The following DPP6 variants were observed in gnomAD, a reference collection of about 807,000 sequenced individuals.
DPP6 encodes the protein A-type potassium channel modulatory protein DPP6.
DPP6 carries 69 observed loss-of-function variants against 122.6 expected under a neutral mutation model. That is an observed-to-expected ratio of 0.56 (90% CI 0.46 to 0.69). The LOEUF (loss-of-function observed/expected upper bound fraction) is 0.69. Among genes scored for constraint, DPP6 ranks in the 30% least tolerant of loss-of-function variants. The pLI is 0.00. For synonymous variants in DPP6, 418 were observed against 433.1 expected (o/e 0.97, Z 0.43); for missense variants, 928 against 1,116.9 (o/e 0.83, Z 2.41).
chr7:154,730,613 G>A (rs1247049341), intron 8 of DPP6, among the ~76,000 whole-genome samples: 3 of 152,148 alleles, frequency 2.0e-5, no homozygotes, highest in Admixed American at 6.5e-5. Flanking sequence ...AGAAAAAAAT[G>A]GCATAGATAT....
chr7:154,189,599 G>A (rs998339399), intron 1 of DPP6, among the ~76,000 whole-genome samples: 2 of 151,946 alleles, frequency 1.3e-5, no homozygotes, highest in South Asian at 2.1e-4. Flanking sequence ...TGGTACATTT[G>A]GAAAAAGAAA....
chr7:154,643,247 T>TA (rs1332509116), intron 6 of DPP6, among the ~76,000 whole-genome samples: 1 of 151,952 alleles, frequency 6.6e-6, no homozygotes, highest in Non-Finnish European at 1.5e-5. Context: ...TAATTTTTTT[T>TA]ATATCATCTC....
chr7:154,369,937 A>G (rs1368217741), intron 1 of DPP6, among the ~76,000 whole-genome samples: 3 of 152,134 alleles, frequency 2.0e-5, no homozygotes, highest in Non-Finnish European at 4.4e-5. Context: ...AAATAAACAC[A>G]TCATATTCAT....
chr7:153,886,671 C>T (rs1480577610), upstream of DPP6, among the ~76,000 whole-genome samples: 1 of 152,182 alleles, frequency 6.6e-6, no homozygotes, highest in South Asian at 2.1e-4. Flanking sequence ...CTGGAATTGC[C>T]GCGGCGGCGG....
rs138325383 is a variant in DPP6, at chr7:154,312,383, C to T, written c.244-133831C>T. 3.9e-4 allele frequency among the ~76,000 whole-genome samples: 60 copies of T among 152,316 alleles called. No individual in the cohort carries two copies. The East Asian group carries it at 0.011, about 28-fold the overall frequency. ...GCCCTCCACCAATGGCTTTACAAAG[C>T]ACGTTGCTGATATAATGAAGTCTTG... On this transcript the variant is annotated intron_variant, in intron 1 of 25. Transcript: ENST00000377770.
chr7:154,448,558 A>G (rs576243444), intron 2 of DPP6, among the ~76,000 whole-genome samples: 2 of 152,334 alleles, frequency 1.3e-5, no homozygotes, highest in African/African-American at 4.8e-5. Flanking sequence ...TTTCTTTCTT[A>G]AAGAAACTAC....
At chr7:153,925,971 G>T (rs1165965847) in intron 1 of DPP6, among the ~76,000 whole-genome samples, 1 of 152,102 alleles carries the variant, frequency 6.6e-6, no homozygotes, top group African/African-American at 2.4e-5. Flanking sequence ...GATTCCTGCC[G>T]ACCACAGCAG....
intron 1 of DPP6, among the ~76,000 whole-genome samples, chr7:154,179,830 G>A (rs1416101783): frequency 6.6e-6 from 1 of 152,056 alleles, no homozygotes; most frequent in Non-Finnish European, 1.5e-5. Flanking sequence ...TTCCACCATT[G>A]TAGTAAGCCC....
Position 154,407,680 on chromosome 7 carries a change from A to G in DPP6, c.244-38534A>G, listed in dbSNP as rs187578866. Among the ~76,000 whole-genome samples, 196 of 152,360 alleles carry G rather than the reference A, an allele frequency of 1.3e-3. 2 individuals carry two copies. Among genetic ancestry groups the G allele is most frequent in the Non-Finnish European group, 6.9e-4 (47 of 68,036 alleles). On this transcript the variant is annotated intron_variant, in intron 1 of 25. Coordinates refer to ENST00000377770, the MANE Select transcript of DPP6 (RefSeq NM_130797.4). ...AAAACTTATGGCTTTCTTTAAAATA[A>G]AAGAAGACTTAGACCCTAAGTCTGC...
chr7:154,429,926 G>A lies in DPP6; in HGVS notation c.244-16288G>A, dbSNP rs145667826. 8.7e-3 allele frequency among the ~76,000 whole-genome samples: 1,321 copies of A among 152,292 alleles called. 10 individuals carry two copies. Among genetic ancestry groups the A allele is most frequent in the South Asian group, 0.029 (138 of 4,826 alleles). On this transcript the variant is annotated intron_variant, in intron 1 of 25. Transcript: ENST00000377770. ...ATTATGGTCACCACCAGCACAGAGCGTTCCTGGCCTGGTGCTGTCTGGTTT... is the reference window on the plus strand; with the variant it reads ...ATTATGGTCACCACCAGCACAGAGCATTCCTGGCCTGGTGCTGTCTGGTTT...
At chr7:154,883,107 TCA>T (rs1452708291) in intron 21 of DPP6, among the ~76,000 whole-genome samples, 2 of 136,936 alleles carry the variant, frequency 1.5e-5, no homozygotes, top group African/African-American at 2.8e-5. Context: ...ACACATGCTC[TCA>T]CATACATGTG....
intron 1 of DPP6, among the ~76,000 whole-genome samples, chr7:153,915,494 T>A (rs1389924505): frequency 1.3e-5 from 2 of 152,204 alleles, no homozygotes; most frequent in African/African-American, 4.8e-5. Flanking sequence ...AGCAAGATCA[T>A]CTTTTTAAGA....
chr7:154,662,534 G>A (rs1837797632), intron 6 of DPP6, among the ~76,000 whole-genome samples: 1 of 41,786 alleles, frequency 2.4e-5, no homozygotes, highest in Admixed American at 2.3e-4. Context: ...TATAGTCATG[G>A]TGAATCACCA....
the DPP6 span, among the ~76,000 whole-genome samples, chr7:153,755,574 C>A: frequency 2.0e-5 from 3 of 152,062 alleles, no homozygotes; most frequent in Admixed American, 2.0e-4. Flanking sequence ...CCTCCTGTCT[C>A]CTTTTCTATT....
Position 153,917,740 on chromosome 7 carries a change from G to A in DPP6, c.51+30006G>A, listed in dbSNP as rs147552191. ...AGTGTGACATGCGAAGGGTGGATAG[G>A]TACCTGTTTTTAAAAGGTATTTTTG... On this transcript the variant is annotated intron_variant, in intron 1 of 25. Transcript: ENST00000404039. Among the ~76,000 whole-genome samples, 848 of 152,254 alleles carry A rather than the reference G, an allele frequency of 5.6e-3. 5 individuals carry two copies. Among genetic ancestry groups the A allele is most frequent in the Middle Eastern group, 0.01 (3 of 294 alleles).
chr7:153,927,375 T>C (rs576479542), intron 1 of DPP6, among the ~76,000 whole-genome samples: 1 of 152,296 alleles, frequency 6.6e-6, no homozygotes, highest in South Asian at 2.1e-4. Flanking sequence ...TGGGGTACAA[T>C]GTGATGTTGT....
At chr7:154,754,319 C>T (rs10282623) in intron 8 of DPP6, among the ~76,000 whole-genome samples, 65,131 of 151,934 alleles carry the variant, frequency 0.43, 15,789 homozygotes, top group African/African-American at 0.66. Flanking sequence ...TGTTTTGTGG[C>T]GAAAAAATTC....
chr7:154,221,014 A>C (rs1468959384), intron 1 of DPP6, among the ~76,000 whole-genome samples: 1 of 152,150 alleles, frequency 6.6e-6, no homozygotes, highest in Non-Finnish European at 1.5e-5. Context: ...TTGAAACTCA[A>C]GTTTGAAGAG....
chr7:153,871,982 T>C, the DPP6 span, among the ~76,000 whole-genome samples: 23 of 152,240 alleles, frequency 1.5e-4, no homozygotes, highest in African/African-American at 5.3e-4. Context: ...TCACAATTTT[T>C]ACGCTTTCTG....
Sources: allele counts gnomAD v4.1 joint callset (sites outside exome capture counted in the v4.1 genomes callset), GRCh38; gene constraint gnomAD v4.1.1; transcripts MANE v1.5; gene names NCBI Gene and HGNC (gene_info 2026-07-23, HGNC 2026-07-21).